IQSEC1: variants seen among roughly 807,000 people sequenced by gnomAD.
The protein encoded by IQSEC1 is IQ motif and Sec7 domain ArfGEF 1.
Under a neutral mutation model 91.0 loss-of-function variants are expected in IQSEC1, and 31 were observed. The observed-to-expected ratio is 0.34, with a 90% CI of 0.26 to 0.46. The LOEUF (loss-of-function observed/expected upper bound fraction) is 0.46, where lower values mean the gene tolerates loss of function less well. Ranked by LOEUF, IQSEC1 falls within the 20% of genes least tolerant of loss-of-function variation. The pLI is 1.00. For synonymous variants in IQSEC1, 699 were observed against 662.6 expected (o/e 1.05, Z -0.84); for missense variants, 1,388 against 1,575.6 (o/e 0.88, Z 2.02).
upstream of IQSEC1, among the ~76,000 whole-genome samples, chr3:13,078,093 T>G (rs1459974732): frequency 1.3e-5 from 2 of 152,198 alleles, no homozygotes; most frequent in East Asian, 3.9e-4. Context: ...GAGCTCACGC[T>G]GCACGGGGCC....
At chr3:13,255,366 C>G (rs1695268252) in intron 1 of IQSEC1, among the ~76,000 whole-genome samples, 1 of 152,158 alleles carries the variant, frequency 6.6e-6, no homozygotes, top group East Asian at 1.9e-4. Flanking sequence ...CCTGGGGCAA[C>G]AGGTGTATTG....
intron 1 of IQSEC1, among the ~76,000 whole-genome samples, chr3:13,025,982 A>G (rs1703597734): frequency 6.6e-6 from 1 of 152,032 alleles, no homozygotes; most frequent in Non-Finnish European, 1.5e-5. Context: ...TTCTGCACAT[A>G]TTGCCCAGTT....
rs938411695 is a variant in IQSEC1 at position 12,992,081 on chromosome 3, G to T, written c.24-50216C>A. Reference sequence around the variant, plus strand: ...CCCTCCACTGCAGAGACCTCTGAGGGGACACCGAGTCCTCCGAGCATTCCC... The same window carrying T: ...CCCTCCACTGCAGAGACCTCTGAGGTGACACCGAGTCCTCCGAGCATTCCC... On this transcript the variant is annotated intron_variant, in intron 1 of 13. Transcript: ENST00000613206. This position sits in a 1 kb window ranked among gnomAD's most constrained non-coding sequence, Gnocchi z 4.1. Among the ~76,000 whole-genome samples, 1 of 152,152 alleles carries T rather than the reference G, an allele frequency of 6.6e-6. No homozygotes were observed. Among genetic ancestry groups the T allele is most frequent in the African/African-American group, 2.4e-5 (1 of 41,426 alleles).
chr3:13,229,314 C>T (rs1419969115), intron 1 of IQSEC1, among the ~76,000 whole-genome samples: 2 of 152,192 alleles, frequency 1.3e-5, no homozygotes, highest in Admixed American at 6.5e-5. Context: ...GATGACAGGG[C>T]CTGGCCTATA....
rs140906589 is a variant in IQSEC1, at chr3:13,059,166, C to T, written c.23+13826G>A. Among the ~76,000 whole-genome samples, 44 of 152,240 alleles carry T rather than the reference C, an allele frequency of 2.9e-4. No homozygotes were observed. The East Asian group carries it at 8.5e-3, about 29-fold the overall frequency. On this transcript the variant is annotated intron_variant, in intron 1 of 13. Coordinates refer to ENST00000613206, the MANE Select transcript of IQSEC1 (RefSeq NM_001134382.3). ...ACACAAGGAGCTCAATGCTCCCAGG[C>T]TCCTCCCTGGGTGTCCCATAGGGCT...
At chr3:13,266,689 A>C (rs1214173408) in intron 1 of IQSEC1, among the ~76,000 whole-genome samples, 2 of 152,046 alleles carry the variant, frequency 1.3e-5, no homozygotes, top group East Asian at 1.9e-4. Flanking sequence ...AACCCTCTCC[A>C]AGGTAGGCAC....
chr3:13,173,064 A>G (rs900823325), intron 1 of IQSEC1, among the ~76,000 whole-genome samples: 1 of 152,164 alleles, frequency 6.6e-6, no homozygotes, highest in Non-Finnish European at 1.5e-5. Flanking sequence ...AAACCAGCTG[A>G]CGTTTTGAGT....
At chr3:13,050,401 G>GC (rs1163444573) in intron 1 of IQSEC1, among the ~76,000 whole-genome samples, 3 of 152,186 alleles carry the variant, frequency 2.0e-5, no homozygotes, top group Admixed American at 6.5e-5. Context: ...ACTTGTGTGT[G>GC]CCCCGGGGAT....
At chr3:12,981,591 T>C (rs943171831) in intron 1 of IQSEC1, among the ~76,000 whole-genome samples, 1 of 152,296 alleles carries the variant, frequency 6.6e-6, no homozygotes, top group South Asian at 2.1e-4. Context: ...TTGTAAACCA[T>C]GTAAATAAAC....
chr3:12,943,821 T>C (rs1014669668), intron 1 of IQSEC1, among the ~76,000 whole-genome samples: 1 of 152,202 alleles, frequency 6.6e-6, no homozygotes, highest in Non-Finnish European at 1.5e-5. Context: ...GCCCAGGTGG[T>C]AGGGAGTGAC....
intron 7 of IQSEC1, 97 bp from the exon 8 acceptor site, chr3:12,915,230 A>T: frequency 7.5e-7 from 1 of 1,341,494 alleles, no homozygotes; most frequent in Non-Finnish European, 1.0e-6. Flanking sequence ...TACCCTTGGG[A>T]TCCACCCAGC....
At chr3:13,258,619 G>A (rs566744864) in intron 1 of IQSEC1, among the ~76,000 whole-genome samples, 12 of 152,188 alleles carry the variant, frequency 7.9e-5, no homozygotes, top group Admixed American at 2.6e-4. Context: ...GCAGGAAATC[G>A]AGGCTGCAGT....
At chr3:12,911,905 A>G (rs1240145636) in intron 9 of IQSEC1, among the ~76,000 whole-genome samples, 177 bp from the exon 10 acceptor site, 2 of 151,992 alleles carry the variant, frequency 1.3e-5, no homozygotes, top group African/African-American at 4.8e-5. Flanking sequence ...TGTCCCCGCA[A>G]CCCCGATGCC....
chr3:12,925,777 G>A (rs192834032), intron 3 of IQSEC1, among the ~76,000 whole-genome samples: 11 of 152,312 alleles, frequency 7.2e-5, no homozygotes, highest in African/African-American at 2.4e-4. Context: ...GGGGCCTAGC[G>A]CCAGGCCAGA....
intron 1 of IQSEC1, among the ~76,000 whole-genome samples, chr3:12,972,782 GGAC>G (rs1700969660): frequency 1.3e-5 from 2 of 152,280 alleles, no homozygotes; most frequent in East Asian, 3.9e-4. Flanking sequence ...CACCCAGCCT[GGAC>G]AATACAGCAT....
chr3:13,170,878 T>C (rs1169061434), intron 1 of IQSEC1, among the ~76,000 whole-genome samples: 1 of 152,024 alleles, frequency 6.6e-6, no homozygotes, highest in Non-Finnish European at 1.5e-5. Context: ...GGTGGGTGGA[T>C]CACGAGGTCA....
intron 1 of IQSEC1, among the ~76,000 whole-genome samples, chr3:13,245,118 G>T (rs1370888161): frequency 6.6e-6 from 1 of 152,160 alleles, no homozygotes; most frequent in Non-Finnish European, 1.5e-5. Context: ...TTCTGATTGA[G>T]CTGGGCTTGG....
intron 2 of IQSEC1, among the ~76,000 whole-genome samples, chr3:13,101,350 G>A (rs969623001): frequency 1.3e-5 from 2 of 150,670 alleles, no homozygotes; most frequent in Non-Finnish European, 2.9e-5. Flanking sequence ...GCGTGGTGGC[G>A]GGCGTCTCCA....
chr3:13,202,678 A>T (rs1397122336), intron 1 of IQSEC1, among the ~76,000 whole-genome samples: 1 of 152,122 alleles, frequency 6.6e-6, no homozygotes, highest in Non-Finnish European at 1.5e-5. Context: ...TCAGTGTGGG[A>T]AAATGAAAAG....
Sources: gnomAD v4.1 joint callset for allele counts (sites outside exome capture counted in the v4.1 genomes callset) on GRCh38, gnomAD v4.1.1 for gene constraint, Gnocchi (gnomAD v3.1) non-coding constraint, MANE v1.5 for transcripts, NCBI Gene and HGNC (gene_info 2026-07-23, HGNC 2026-07-21) for gene names.